BTBD9: variants seen among roughly 807,000 people sequenced by gnomAD.
BTBD9 encodes the protein BTB domain containing 9.
In BTBD9, 49 loss-of-function variants were observed where a neutral mutation model predicts 64.3. The observed-to-expected ratio is 0.76, with a 90% confidence interval of 0.61 to 0.97. The LOEUF is 0.97. Among genes scored for constraint, BTBD9 ranks in the 50% least tolerant of loss-of-function variants. BTBD9 has a pLI of 0.00. For synonymous variants in BTBD9, 260 were observed against 274.7 expected (o/e 0.95, Z 0.53); for missense variants, 598 against 762.1 (o/e 0.78, Z 2.53).
chr6:38,332,702 AACAC>A (rs1172865550), intron 7 of BTBD9, among the ~76,000 whole-genome samples: 1 of 152,204 alleles, frequency 6.6e-6, no homozygotes, highest in Non-Finnish European at 1.5e-5. Context: ...ATATTAAAAA[AACAC>A]ACACATAACT....
intron 8 of BTBD9, among the ~76,000 whole-genome samples, chr6:38,275,029 C>T (rs1225086209): frequency 3.3e-5 from 5 of 152,186 alleles, no homozygotes; most frequent in Admixed American, 6.5e-5. Context: ...AAAAAGAGCC[C>T]GCATCGCCAA....
At chr6:38,370,184 C>T (rs1163678709) in intron 6 of BTBD9, among the ~76,000 whole-genome samples, 1 of 152,188 alleles carries the variant, frequency 6.6e-6, no homozygotes, top group African/African-American at 2.4e-5. Flanking sequence ...GAAGTGATAT[C>T]CAGTATGGAA....
At chr6:38,626,686 T>C (rs902961713) in intron 1 of BTBD9, among the ~76,000 whole-genome samples, 1 of 152,138 alleles carries the variant, frequency 6.6e-6, no homozygotes, top group Non-Finnish European at 1.5e-5. Flanking sequence ...ATGGAATAAG[T>C]TAGAAATAGC....
intron 6 of BTBD9, among the ~76,000 whole-genome samples, chr6:38,351,507 G>GGT: frequency 1.9e-5 from 2 of 102,712 alleles, no homozygotes; most frequent in East Asian, 6.6e-4. Context: ...AATTGTTGTT[G>GGT]TTTTTTTTTT....
chr6:38,498,472 A>AAC (rs1239558172), intron 6 of BTBD9, among the ~76,000 whole-genome samples: 3 of 151,814 alleles, frequency 2.0e-5, no homozygotes, highest in Non-Finnish European at 4.4e-5. Context: ...AAAAAAAAAA[A>AAC]AAACAAGGCA....
chr6:38,410,045 T>TA (rs1481038400), intron 6 of BTBD9, among the ~76,000 whole-genome samples: 30 of 152,142 alleles, frequency 2.0e-4, no homozygotes, highest in African/African-American at 6.0e-4. Context: ...AGTTTTTATT[T>TA]TAAAAAAAGA....
intron 6 of BTBD9, among the ~76,000 whole-genome samples, chr6:38,564,550 T>A (rs538678197): frequency 2.0e-5 from 3 of 152,262 alleles, no homozygotes; most frequent in Admixed American, 6.5e-5. Flanking sequence ...AGAGATTTTT[T>A]AATCTAAAAT....
chr6:38,485,078 C>T (rs772071543), intron 6 of BTBD9, among the ~76,000 whole-genome samples: 24 of 152,180 alleles, frequency 1.6e-4, no homozygotes, highest in Non-Finnish European at 3.1e-4. Flanking sequence ...GTTTGTGTGA[C>T]AGCCTAAATC....
chr6:38,447,429 T>G (rs1769324848), intron 6 of BTBD9, among the ~76,000 whole-genome samples: 1 of 152,134 alleles, frequency 6.6e-6, no homozygotes, highest in African/African-American at 2.4e-5. Context: ...ACCTTAAACA[T>G]TAGTAATATT....
chr6:38,388,781 G>A (rs1295921810), intron 6 of BTBD9, among the ~76,000 whole-genome samples: 1 of 151,942 alleles, frequency 6.6e-6, no homozygotes, highest in African/African-American at 2.4e-5. Flanking sequence ...AGAACCTGAG[G>A]GTCATTTAAA....
At chr6:38,483,725 T>A (rs1771268517) in intron 6 of BTBD9, among the ~76,000 whole-genome samples, 1 of 152,186 alleles carries the variant, frequency 6.6e-6, no homozygotes, top group African/African-American at 2.4e-5. Context: ...AGTTTCTACT[T>A]CACAGCCTTT....
chr6:38,205,782 G>A (rs1762619578), intron 9 of BTBD9, among the ~76,000 whole-genome samples: 1 of 149,832 alleles, frequency 6.7e-6, no homozygotes, highest in Admixed American at 6.7e-5. Flanking sequence ...TACTCAGGAG[G>A]CTGAGGCATG....
chr6:38,581,623 A>G (rs1776287402), intron 4 of BTBD9, among the ~76,000 whole-genome samples: 3 of 152,170 alleles, frequency 2.0e-5, no homozygotes, highest in Admixed American at 2.0e-4. Flanking sequence ...GACACTCTCC[A>G]TGGAAAGACA....
At chr6:38,397,741 T>G (rs1163168217) in intron 6 of BTBD9, among the ~76,000 whole-genome samples, 1 of 152,120 alleles carries the variant, frequency 6.6e-6, no homozygotes, top group Non-Finnish European at 1.5e-5. Flanking sequence ...AGAATATCAT[T>G]CTAGATTGTG....
chr6:38,577,457 C>T, intron 6 of BTBD9, 143 bp downstream of exon 6: 1 of 750,906 alleles, frequency 1.3e-6, no homozygotes, highest in South Asian at 2.0e-5. Context: ...TCCATACTTT[C>T]CTAAGTTTTT....
intron 6 of BTBD9, among the ~76,000 whole-genome samples, chr6:38,440,162 G>A (rs1362069991): frequency 2.0e-5 from 3 of 152,134 alleles, no homozygotes; most frequent in Non-Finnish European, 4.4e-5. Context: ...ATAGTTTAAA[G>A]CCCTTGAGAC....
chr6:38,477,184 C>T (rs886751515), intron 6 of BTBD9, among the ~76,000 whole-genome samples: 3 of 152,178 alleles, frequency 2.0e-5, no homozygotes, highest in Non-Finnish European at 4.4e-5. Context: ...GCTTAATCTG[C>T]GCTTTCTTTC....
intron 7 of BTBD9, among the ~76,000 whole-genome samples, chr6:38,318,131 G>A (rs1444543883): frequency 2.0e-5 from 3 of 152,006 alleles, no homozygotes; most frequent in Non-Finnish European, 4.4e-5. Context: ...CTGACCTTGG[G>A]TGATCCACCC....
chr6:38,215,804 T>C (rs1030816525), intron 9 of BTBD9, among the ~76,000 whole-genome samples: 1 of 152,158 alleles, frequency 6.6e-6, no homozygotes, highest in African/African-American at 2.4e-5. Context: ...CAGCTGTTTT[T>C]TCCCATCAAG....
Sources: allele counts gnomAD v4.1 joint callset (sites outside exome capture counted in the v4.1 genomes callset), GRCh38; gene constraint gnomAD v4.1.1; transcripts MANE v1.5; gene names NCBI Gene and HGNC (gene_info 2026-07-23, HGNC 2026-07-21).